Variants in RIF1 observed in about 807,000 individuals in gnomAD.
RIF1 encodes the protein replication timing regulatory factor 1.
Under a neutral mutation model 247.1 loss-of-function variants are expected in RIF1, and 45 were observed. That is an observed-to-expected ratio of 0.18 (90% CI 0.14 to 0.23). The LOEUF is 0.23. Among genes scored for constraint, RIF1 ranks in the 10% least tolerant of loss-of-function variants. RIF1 has a pLI of 1.00. For synonymous variants in RIF1, 1,087 were observed against 978.8 expected, an observed-to-expected ratio of 1.11 and a Z score of -2.06; for missense variants, 2,967 against 2,862.5, an observed-to-expected ratio of 1.04 and a Z score of -0.83.
intron 20 of RIF1, among the ~76,000 whole-genome samples, chr2:151,448,770 A>G (rs1374770638): frequency 6.6e-6 from 1 of 152,132 alleles, no homozygotes; most frequent in African/African-American, 2.4e-5. Flanking sequence ...GAGGTTAGGG[A>G]CATTGTCTGT....
chr2:151,458,647 C>G (rs542359286), intron 24 of RIF1, among the ~76,000 whole-genome samples, 164 bp from the exon 25 acceptor site: 1 of 151,978 alleles, frequency 6.6e-6, no homozygotes, highest in Non-Finnish European at 1.5e-5. Flanking sequence ...ATAAAAATTG[C>G]CTAATTTTTC....
intron 3 of RIF1, among the ~76,000 whole-genome samples, chr2:151,413,433 A>G (rs953429119): frequency 1.3e-5 from 2 of 152,222 alleles, no homozygotes; most frequent in Non-Finnish European, 2.9e-5. Flanking sequence ...ATTTTAAGCA[A>G]TGAAAGGATA....
intron 30 of RIF1, 26 bp from the exon 31 acceptor site, chr2:151,467,974 A>T: frequency 1.9e-6 from 3 of 1,556,186 alleles, no homozygotes; most frequent in Non-Finnish European, 2.6e-6. Context: ...AATTTTGTTA[A>T]GTAAAATCCT....
chr2:151,496,430 T>G, intron 10 of RIF1: 2 of 1,536,876 alleles, frequency 1.3e-6, no homozygotes, highest in Non-Finnish European at 1.8e-6. Context: ...GTTGAGAGGT[T>G]TTAAGGGTAA....
chr2:151,436,602 A>T (rs1691263600), intron 11 of RIF1, among the ~76,000 whole-genome samples: 1 of 151,902 alleles, frequency 6.6e-6, no homozygotes. Flanking sequence ...ATGTCATTGA[A>T]AGACATATGA....
intron 3 of RIF1, among the ~76,000 whole-genome samples, chr2:151,413,079 C>G (rs530451851): frequency 1.3e-5 from 2 of 149,496 alleles, no homozygotes; most frequent in Admixed American, 6.7e-5. Flanking sequence ...GAGTTTTGCT[C>G]TTGTTGCCCA....
chr2:151,465,852 A>C lies in RIF1; in HGVS notation c.6332A>C (p.Gln2111Pro). The stretch of plus-strand genomic sequence containing the variant: ...ATGGTAATGGAAAGTGATATTTTAC[A>C]GGAAGATCACCATACTTCACAGAAA... Reference protein sequence around the residue: ...NQMVMESDILQEDHHTSQKVE... With the variant: ...NQMVMESDILPEDHHTSQKVE... The change falls in exon 30 of 36, where the codon CAG becomes CCG. Residue 2111 changes from glutamine (Q) to proline (P), a missense_variant. Coordinates refer to ENST00000444746, the MANE Select transcript of RIF1 (RefSeq NM_018151.5). 6.2e-7 allele frequency: 1 copy of C among 1,612,750 alleles called. No individual in the cohort carries two copies. Among genetic ancestry groups the C allele is most frequent in the East Asian group, 2.2e-5 (1 of 44,882 alleles).
At chr2:151,459,922 G>T (rs974239230) in intron 25 of RIF1, 78 bp from the exon 26 acceptor site, 2 of 1,170,298 alleles carry the variant, frequency 1.7e-6, no homozygotes, top group Non-Finnish European at 2.4e-6. Flanking sequence ...TATTTATTAG[G>T]AATTTTCAAA....
At chr2:151,416,992 A>T in intron 6 of RIF1, 91 bp downstream of exon 6, 2 of 871,688 alleles carry the variant, frequency 2.3e-6, no homozygotes, top group Non-Finnish European at 3.6e-6. Flanking sequence ...AGAGACAGAC[A>T]TTAAAAGGGG....
At chr2:151,410,155 C>T (rs1376609942) in intron 1 of RIF1, 122 bp downstream of exon 1, 3 of 664,954 alleles carry the variant, frequency 4.5e-6, no homozygotes, top group Non-Finnish European at 8.2e-6. Context: ...CCGATCTCCT[C>T]CCTCTGTTGA....
the RIF1 span, chr2:151,516,387 C>T: frequency 9.8e-7 from 1 of 1,019,662 alleles, no homozygotes; most frequent in South Asian, 1.6e-5. Context: ...GGAAACTGGC[C>T]ATGTCATGGG....
In RIF1 at chr2:151,505,576, G is replaced by A. The variant is rs763127643; in HGVS notation, c.*862-634G>A. The A allele has an allele frequency of 3.7e-6, 6 of 1,607,706 alleles. No individual in the cohort carries two copies. In the Admixed American group the frequency reaches 6.7e-5, roughly 18 times the overall value. ...ATTGCTTCCTTATACTTCACCTGCA[G>A]ATTTAAAAATGGGAAAAGAAAGGTA... On this transcript the variant is annotated intron_variant and NMD_transcript_variant, in intron 12 of 13. Transcript: ENST00000454583.
the RIF1 span, chr2:151,531,964 C>T: frequency 1.1e-6 from 1 of 897,130 alleles, no homozygotes; most frequent in Non-Finnish European, 1.8e-6. Flanking sequence ...TCTAATTGTC[C>T]TCTTGAAACA....
chr2:151,474,222 A>G (rs1022351924), intron 35 of RIF1, 150 bp downstream of exon 35: 1 of 591,444 alleles, frequency 1.7e-6, no homozygotes, highest in East Asian at 3.0e-5. Flanking sequence ...AACCGATTGG[A>G]CATCAAATGT....
intron 8 of RIF1, among the ~76,000 whole-genome samples, chr2:151,424,158 C>CAAT (rs1688618424): frequency 6.6e-6 from 1 of 152,196 alleles, no homozygotes; most frequent in Non-Finnish European, 1.5e-5. Flanking sequence ...GGCTGGAGTA[C>CAAT]AATGGCGTGA....
At chr2:151,431,529 C>A (rs569182051) in intron 9 of RIF1, among the ~76,000 whole-genome samples, 1 of 152,174 alleles carries the variant, frequency 6.6e-6, no homozygotes, top group Non-Finnish European at 1.5e-5. Flanking sequence ...CGTGGTGGCT[C>A]ACGCCTGTAA....
chr2:151,433,289 T>A (rs1188538805), intron 10 of RIF1, 61 bp downstream of exon 10: 1 of 1,348,602 alleles, frequency 7.4e-7, no homozygotes, highest in Non-Finnish European at 1.0e-6. Flanking sequence ...CTTAAATTCT[T>A]ACCAATGTAA....
Position 151,409,951 on chromosome 2 carries a change from G to C in RIF1, c.-93G>C, listed in dbSNP as rs75732944. 5 of 701,706 alleles carry C rather than the reference G, an allele frequency of 7.1e-6. No homozygotes were observed. Among genetic ancestry groups the C allele is most frequent in the Admixed American group, 4.0e-5 (2 of 49,996 alleles). The allele number at this position is 701,706 out of a possible 1,614,324, so 43.5% of individuals were successfully genotyped here. ...AGCGCGCCGCACGCGTGAGTAAACA[G>C]CCGGAGCTGGGAAAGTCGAGCTCTG... On this transcript the variant is annotated 5_prime_UTR_variant, in exon 1 of 36. Transcript: ENST00000444746.
At chr2:151,447,287 T>C (rs1052803834) in intron 20 of RIF1, among the ~76,000 whole-genome samples, 4 of 152,238 alleles carry the variant, frequency 2.6e-5, no homozygotes, top group African/African-American at 7.2e-5. Flanking sequence ...TGGGAACAGA[T>C]TGATATGCGT....
Sources: gnomAD v4.1 joint callset for allele counts (sites outside exome capture counted in the v4.1 genomes callset) on GRCh38, gnomAD v4.1.1 for gene constraint, MANE v1.5 for transcripts, NCBI Gene and HGNC (gene_info 2026-07-23, HGNC 2026-07-21) for gene names.